Variants in PRDX4 observed in about 807,000 individuals in gnomAD.
PRDX4 encodes the protein peroxiredoxin 4, also known as peroxiredoxin-4.
PRDX4 carries 12 observed loss-of-function variants against 20.5 expected under a neutral mutation model. That is an observed-to-expected ratio of 0.58 (90% confidence interval 0.37 to 0.95). The LOEUF (loss-of-function observed/expected upper bound fraction) is 0.95. Among genes scored for constraint, PRDX4 ranks in the 40% least tolerant of loss-of-function variants. The probability of loss-of-function intolerance (pLI) is 0.01; values close to 1 mark genes in which losing one functional copy is unlikely to be tolerated. For synonymous variants in PRDX4, 99 were observed against 87.5 expected (o/e 1.13, Z -0.73); for missense variants, 180 against 207.3 (o/e 0.87, Z 0.81).
Position 23,686,223 on chromosome X carries a change from C to T in PRDX4, c.766-62C>T, listed in dbSNP as rs774717686. On this transcript the variant is annotated intron_variant, in intron 6 of 6. Transcript: ENST00000379341. ...CAAGGCATGGGCAACTAATGTCAGA[C>T]TACTCATTATGTACTTTGGCTTTAA... The T allele has an allele frequency of 3.0e-4, 271 of 904,327 alleles. 1 individual carries two copies. In the South Asian group the frequency reaches 6.3e-3, roughly 21 times the overall value. The allele number at this position is 904,327 out of a possible 1,213,427, so 74.5% of individuals were successfully genotyped here.
At chrX:23,682,853 A>ATATATATATAT (rs1398017836) in intron 5 of PRDX4, among the ~76,000 whole-genome samples, 1 of 14,872 alleles carries the variant, frequency 6.7e-5, no homozygotes, top group African/African-American at 2.2e-4. Flanking sequence ...AAAAAAAAAA[A>ATATATATATAT]ATATATATAT....
intron 1 of PRDX4, 112 bp downstream of exon 1, chrX:23,667,923 C>T (rs1202502097): frequency 9.4e-7 from 1 of 1,068,783 alleles, no homozygotes; most frequent in African/African-American, 1.9e-5. Context: ...CCTCCGGGCC[C>T]TGGGCGGGCC....
At chrX:23,682,320 G>A in intron 4 of PRDX4, 76 bp from the exon 5 acceptor site, 2 of 842,104 alleles carry the variant, frequency 2.4e-6, no homozygotes, top group South Asian at 2.8e-5. Context: ...GCATCCTTTT[G>A]TGTGGATGGT....
At chrX:23,672,792 T>C (rs769719232) in intron 2 of PRDX4, among the ~76,000 whole-genome samples, 15 of 111,623 alleles carry the variant, frequency 1.3e-4, no homozygotes, top group Non-Finnish European at 2.6e-4. Context: ...TGCTATAGGT[T>C]GTTTCTAGGC....
At chrX:23,672,516 CCTTACAG>C (rs762284284) in intron 2 of PRDX4, among the ~76,000 whole-genome samples, 10 of 111,542 alleles carry the variant, frequency 9.0e-5, no homozygotes, top group African/African-American at 3.3e-4. Flanking sequence ...AAGTAAATAC[CCTTACAG>C]CTTTATTCAC....
chrX:23,681,235 AAAAAT>A (rs1354188028), intron 4 of PRDX4, among the ~76,000 whole-genome samples: 3 of 111,929 alleles, frequency 2.7e-5, no homozygotes, highest in Non-Finnish European at 3.8e-5. Context: ...CGTCTCAAAA[AAAAAT>A]AAATAAATAA....
At chrX:23,676,361 T>C (rs1394171193) in intron 3 of PRDX4, among the ~76,000 whole-genome samples, 1 of 111,165 alleles carries the variant, frequency 9.0e-6, no homozygotes, top group Non-Finnish European at 1.9e-5. Flanking sequence ...ATATATTTAA[T>C]ATATTTGAAT....
intron 4 of PRDX4, 81 bp from the exon 5 acceptor site, chrX:23,682,315 C>T (rs1485668774): frequency 1.2e-6 from 1 of 819,804 alleles, no homozygotes; most frequent in East Asian, 4.9e-5. Context: ...GTATAGCATC[C>T]TTTTGTGTGG....
Position 23,672,070 on chromosome X carries a change from G to A in PRDX4, c.359+424G>A, listed in dbSNP as rs182031115. 2.1e-3 allele frequency among the ~76,000 whole-genome samples: 231 copies of A among 111,608 alleles called. 2 individuals carry two copies. Among genetic ancestry groups the A allele is most frequent in the Non-Finnish European group, 3.3e-3 (177 of 53,127 alleles). ...AAGGTCAAGAGATCGAGACCATCCT[G>A]GCCAACATGGTAAAACCCCATCTCT... On this transcript the variant is annotated intron_variant, in intron 2 of 6. Transcript: ENST00000379341.
intron 4 of PRDX4, among the ~76,000 whole-genome samples, chrX:23,681,368 C>T (rs778358664): frequency 8.9e-6 from 1 of 112,604 alleles, no homozygotes; most frequent in South Asian, 3.6e-4. Flanking sequence ...CCATGTTTCC[C>T]CTAACCCACT....
chrX:23,683,617 A>C, intron 5 of PRDX4, 54 bp from the exon 6 acceptor site: 2 of 1,115,769 alleles, frequency 1.8e-6, no homozygotes, highest in Non-Finnish European at 2.5e-6. Flanking sequence ...CAGTTGCTGA[A>C]GGTAACTGAA....
intron 6 of PRDX4, among the ~76,000 whole-genome samples, chrX:23,684,591 C>T (rs1319583288): frequency 9.0e-6 from 1 of 110,536 alleles, no homozygotes; most frequent in African/African-American, 3.3e-5. Context: ...ACCTCCGCCT[C>T]CAGGGTTCAT....
At chrX:23,668,166 A>G (rs1927769516) in intron 1 of PRDX4, among the ~76,000 whole-genome samples, 2 of 112,749 alleles carry the variant, frequency 1.8e-5, no homozygotes, top group Admixed American at 9.3e-5. Context: ...TTCAGGTACT[A>G]TTTCAGCGAA....
chrX:23,679,999 G>C (rs1275352240), intron 4 of PRDX4, among the ~76,000 whole-genome samples: 1 of 112,299 alleles, frequency 8.9e-6, no homozygotes, highest in African/African-American at 3.2e-5. Context: ...AAAAAAGAAA[G>C]AAAGAAAAAT....
At chrX:23,676,077 G>A (rs1016378397) in intron 3 of PRDX4, among the ~76,000 whole-genome samples, 2 of 101,168 alleles carry the variant, frequency 2.0e-5, no homozygotes, top group Admixed American at 1.1e-4. Flanking sequence ...GCAGTGAGCC[G>A]AGGTCACGCC....
chrX:23,673,005 A>G, intron 2 of PRDX4, among the ~76,000 whole-genome samples: 1 of 112,368 alleles, frequency 8.9e-6, no homozygotes, highest in Middle Eastern at 4.2e-3. Context: ...TTTTAAGTAT[A>G]GCTTAATTTC....
chrX:23,679,500 C>A (rs1172932162), intron 4 of PRDX4, among the ~76,000 whole-genome samples: 1 of 109,884 alleles, frequency 9.1e-6, no homozygotes. Context: ...GCCTGGCCAA[C>A]ATGGTGAAAC....
chrX:23,683,759 T>C, intron 6 of PRDX4, 54 bp downstream of exon 6: 1 of 1,097,847 alleles, frequency 9.1e-7, no homozygotes, highest in South Asian at 2.0e-5. Flanking sequence ...TTGAAAAAAA[T>C]GCTGGCCGGG....
chrX:23,684,639 T>C (rs1388451942), intron 6 of PRDX4, among the ~76,000 whole-genome samples: 1 of 110,292 alleles, frequency 9.1e-6, no homozygotes, highest in Non-Finnish European at 1.9e-5. Flanking sequence ...TAGCTGGGAC[T>C]ACAAGCCTGC....
Sources: allele counts gnomAD v4.1 joint callset (sites outside exome capture counted in the v4.1 genomes callset), GRCh38; gene constraint gnomAD v4.1.1; transcripts MANE v1.5; gene names NCBI Gene and HGNC (gene_info 2026-07-23, HGNC 2026-07-21).